Variants in SCNM1 observed in about 807,000 individuals in gnomAD.
SCNM1 encodes sodium channel modifier 1.
In SCNM1, 24 loss-of-function variants were observed where a neutral mutation model predicts 32.8. The ratio of observed to expected loss-of-function variants is 0.73; its 90% confidence interval spans 0.53 to 1.03. The LOEUF (loss-of-function observed/expected upper bound fraction) is 1.03. SCNM1 is among the 50% of genes least tolerant of loss of function. The pLI, the probability that SCNM1 is intolerant of heterozygous loss-of-function variation, is 0.00. For synonymous variants in SCNM1, 99 were observed against 103.2 expected, an observed-to-expected ratio of 0.96 and a Z score of 0.25; for missense variants, 274 against 282.3, an observed-to-expected ratio of 0.97 and a Z score of 0.21.
rs181495889 is a variant in SCNM1 at position 151,169,201 on chromosome 1, A to T, written c.*116A>T. The T allele has an allele frequency of 8.1e-5, 97 of 1,195,552 alleles. No individual in the cohort carries two copies. In the Admixed American group the frequency reaches 2.0e-3, roughly 25 times the overall value. The allele number at this position is 1,195,552 out of a possible 1,614,324, so 74.1% of individuals were successfully genotyped here. ...TTCAGATCTGTTCATTCTCATTCCA[A>T]CTACTCCTTGCCTGCAAGGTACACA... On this transcript the variant is annotated 3_prime_UTR_variant, in exon 7 of 7. Coordinates refer to ENST00000368905, the MANE Select transcript of SCNM1 (RefSeq NM_024041.4).
intron 6 of SCNM1, 151 bp downstream of exon 6, chr1:151,168,489 AC>A: frequency 8.5e-7 from 1 of 1,171,024 alleles, no homozygotes; most frequent in Non-Finnish European, 1.1e-6. Flanking sequence ...GCTCACTGTA[AC>A]CTCCACCTCC....
Position 151,167,126 on chromosome 1 carries a change from C to A in SCNM1, c.217C>A (p.Gln73Lys), listed in dbSNP as rs777266124. The A allele has an allele frequency of 6.2e-7, 1 of 1,614,164 alleles. No homozygotes were observed. The highest frequency in any genetic ancestry group is 1.1e-5 in the South Asian group (1 of 91,086). The change falls in exon 4 of 7, where the codon CAG becomes AAG. Residue 73 changes from glutamine (Q) to lysine (K), a missense_variant. By Grantham distance (53) the Gln-to-Lys change is moderately conservative. Coordinates refer to ENST00000368905, the MANE Select transcript of SCNM1 (RefSeq NM_024041.4). ...CTGTTTCCCTTTCTCCTCAGGCTTGCAGCTTTTCTATGGCAAGAAGCAGCC... is the reference window on the plus strand; with the variant it reads ...CTGTTTCCCTTTCTCCTCAGGCTTGAAGCTTTTCTATGGCAAGAAGCAGCC... ...RAGKKHLSSL[Q>K]LFYGKKQPGK... is the part of the protein sequence containing the mutation.
chr1:151,168,161 CCT>C lies in SCNM1; in HGVS notation c.419_420del (p.Ser140CysfsTer20). The C allele has an allele frequency of 6.2e-7, 1 of 1,613,082 alleles. No individual in the cohort carries two copies. Among genetic ancestry groups the C allele is most frequent in the Non-Finnish European group, 8.5e-7 (1 of 1,179,508 alleles). ...CTACCTAGACCAGAAGCCCCTGGTCCCTCTGTCTCCCTTTCCCCTATGCCACC... is the reference window on the plus strand; with the variant it reads ...CTACCTAGACCAGAAGCCCCTGGTCCCTGTCTCCCTTTCCCCTATGCCACC... On this transcript the variant is annotated frameshift_variant, in exon 6 of 7. Transcript: ENST00000368905. LOFTEE classifies it high-confidence loss of function.
chr1:151,166,751 T>TTA, intron 2 of SCNM1, 183 bp from the exon 3 acceptor site: 3 of 1,223,670 alleles, frequency 2.5e-6, no homozygotes, highest in Non-Finnish European at 3.3e-6. Flanking sequence ...ACTTTTGTTA[T>TTA]TAATTAGGAC....
Position 151,169,933 on chromosome 1 carries a change from G to A in SCNM1, c.*848G>A. The A allele has an allele frequency of 1.2e-6, 1 of 845,956 alleles. No individual in the cohort carries two copies. Among genetic ancestry groups the A allele is most frequent in the Non-Finnish European group, 1.9e-6 (1 of 513,988 alleles). The allele number at this position is 845,956 out of a possible 1,614,324, so 52.4% of individuals were successfully genotyped here. On this transcript the variant is annotated 3_prime_UTR_variant, in exon 7 of 7. Coordinates refer to ENST00000368905, the MANE Select transcript of SCNM1 (RefSeq NM_024041.4). ...CCCTGGTGAACTGGCAGTAACCCTTGGGGGTTAGCGCCAAGATTCTCACCC... is the reference window on the plus strand; with the variant it reads ...CCCTGGTGAACTGGCAGTAACCCTTAGGGGTTAGCGCCAAGATTCTCACCC...
intron 6 of SCNM1, among the ~76,000 whole-genome samples, 171 bp from the exon 7 acceptor site, chr1:151,168,815 T>C (rs1322502787): frequency 2.1e-5 from 3 of 144,958 alleles, no homozygotes; most frequent in Non-Finnish European, 3.0e-5. Context: ...TTTTTTTTTT[T>C]TTGGTAGAGA....
chr1:151,168,509 A>G (rs1683819103), intron 6 of SCNM1, among the ~76,000 whole-genome samples, 171 bp downstream of exon 6: 1 of 152,002 alleles, frequency 6.6e-6, no homozygotes, highest in Non-Finnish European at 1.5e-5. Flanking sequence ...CCTGGGTTCA[A>G]GCGATTCTCC....
chr1:151,166,621 C>T, intron 2 of SCNM1, 80 bp downstream of exon 2: 4 of 1,539,034 alleles, frequency 2.6e-6, no homozygotes, highest in Non-Finnish European at 3.5e-6. Context: ...TCCTTTGAGA[C>T]GGAGGTCTCG....
Position 151,167,347 on chromosome 1 carries a change from C to T in SCNM1, c.331C>T (p.Arg111Ter). The change falls in exon 5 of 7, where the codon CGA becomes TGA. Residue 111 changes from arginine to a stop codon, truncating the protein, a stop_gained. Coordinates refer to ENST00000368905, the MANE Select transcript of SCNM1 (RefSeq NM_024041.4). LOFTEE classifies it high-confidence loss of function. ...KAEAPLLTQT[R>*]LITQSALHRA... The stretch of plus-strand genomic sequence containing the variant: ...CCAGGCTCCTCTGCTAACTCAGACA[C>T]GACTTATCACCCAGAGTGCTCTGCA... The T allele has an allele frequency of 6.2e-7, 1 of 1,614,112 alleles. No homozygotes were observed. Among genetic ancestry groups the T allele is most frequent in the Non-Finnish European group, 8.5e-7 (1 of 1,180,024 alleles).
In SCNM1 at chr1:151,169,657, T is replaced by C; in HGVS notation, c.*572T>C. ...GACTGTCAAAAAGAGGTCTTTGCCCTTCATGTTGTCTGCCTGCTTCTCCAC... is the reference window on the plus strand; with the variant it reads ...GACTGTCAAAAAGAGGTCTTTGCCCCTCATGTTGTCTGCCTGCTTCTCCAC... On this transcript the variant is annotated 3_prime_UTR_variant, in exon 7 of 7. Coordinates refer to ENST00000368905, the MANE Select transcript of SCNM1 (RefSeq NM_024041.4). 1 of 207,946 alleles carries C rather than the reference T, an allele frequency of 4.8e-6. No homozygotes were observed. Among genetic ancestry groups the C allele is most frequent in the Non-Finnish European group, 9.8e-6 (1 of 101,954 alleles). 12.9% of individuals were successfully genotyped at this position (207,946 alleles called of 1,614,324 possible).
intron 5 of SCNM1, chr1:151,167,864 A>G: frequency 2.8e-6 from 1 of 354,054 alleles, no homozygotes; most frequent in Non-Finnish European, 5.1e-6. Flanking sequence ...AAAGAAAAGG[A>G]GAATTTTGTG....
intron 2 of SCNM1, 194 bp downstream of exon 2, chr1:151,166,735 CA>C: frequency 8.1e-7 from 1 of 1,230,286 alleles, no homozygotes; most frequent in South Asian, 1.6e-5. Context: ...CGCCTGGCTT[CA>C]ACAAACTTTT....
chr1:151,166,743 T>C, intron 2 of SCNM1, 191 bp from the exon 3 acceptor site: 8 of 1,230,270 alleles, frequency 6.5e-6, no homozygotes, highest in Non-Finnish European at 7.7e-6. Context: ...TTCAACAAAC[T>C]TTTGTTATTA....
rs139694499 is a variant in SCNM1 at position 151,167,324 on chromosome 1, A to G, written c.310-2A>G. 6.2e-7 allele frequency: 1 copy of G among 1,614,082 alleles called. No individual in the cohort carries two copies. The highest frequency in any genetic ancestry group is 8.5e-7 in the Non-Finnish European group (1 of 1,180,002). On this transcript the variant is annotated splice_acceptor_variant, in intron 4 of 6. Coordinates refer to ENST00000368905, the MANE Select transcript of SCNM1 (RefSeq NM_024041.4). LOFTEE classifies it high-confidence loss of function. The stretch of plus-strand genomic sequence containing the variant: ...TGACTCTGTCTCCCATCTCCTTACC[A>G]GGCTCCTCTGCTAACTCAGACACGA...
At position 151,170,241 on chromosome 1, in the gene SCNM1, T is replaced by A; in HGVS notation, c.*1156T>A. The A allele has an allele frequency of 1.0e-6, 1 of 1,001,994 alleles. No individual in the cohort carries two copies. Among genetic ancestry groups the A allele is most frequent in the East Asian group, 2.4e-5 (1 of 41,022 alleles). 62.1% of individuals were successfully genotyped at this position (1,001,994 alleles called of 1,614,324 possible). ...GCCACCTTACAGGCCCATCCCACATTAACAAAACAAAACAAGAAACCACAC... is the reference window on the plus strand; with the variant it reads ...GCCACCTTACAGGCCCATCCCACATAAACAAAACAAAACAAGAAACCACAC... On this transcript the variant is annotated 3_prime_UTR_variant, in exon 7 of 7. Coordinates refer to ENST00000368905, the MANE Select transcript of SCNM1 (RefSeq NM_024041.4).
intron 1 of SCNM1, 39 bp downstream of exon 1, chr1:151,166,242 G>A: frequency 1.9e-6 from 3 of 1,569,894 alleles, no homozygotes; most frequent in South Asian, 1.2e-5. Context: ...CGCTTCAGTC[G>A]CTCCCTGAAG....
intron 5 of SCNM1, 92 bp downstream of exon 5, chr1:151,167,506 T>C (rs762422903): frequency 1.3e-6 from 2 of 1,508,472 alleles, no homozygotes; most frequent in Non-Finnish European, 1.8e-6. Flanking sequence ...GGAATACTAG[T>C]GTTCTGGAGA....
Position 151,167,283 on chromosome 1 carries a change from G to A in SCNM1, c.310-43G>A, listed in dbSNP as rs114785704. 2.9e-3 allele frequency: 4,756 copies of A among 1,613,936 alleles called. 118 individuals carry two copies. The African/African-American group carries it at 0.054, about 18-fold the overall frequency. On this transcript the variant is annotated intron_variant, in intron 4 of 6. Transcript: ENST00000368905. ...GCTGCACACACCAGGCTGGAAGGGC[G>A]GAGGGCTGAAGGCTCTGACTCTGTC...
At chr1:151,168,704 G>A (rs587704417) in intron 6 of SCNM1, among the ~76,000 whole-genome samples, 6 of 150,386 alleles carry the variant, frequency 4.0e-5, no homozygotes, top group African/African-American at 9.8e-5. Context: ...CACCGCACCC[G>A]GACTCCCATT....
Sources: gnomAD v4.1 joint callset for allele counts (sites outside exome capture counted in the v4.1 genomes callset) on GRCh38, gnomAD v4.1.1 for gene constraint, MANE v1.5 for transcripts, NCBI Gene and HGNC (gene_info 2026-07-23, HGNC 2026-07-21) for gene names.